The following SKIC3 variants were observed in gnomAD, a reference collection of about 807,000 sequenced individuals.
The protein encoded by SKIC3 is superkiller complex protein 3.
chr5:95,551,325 T>C, the SKIC3 span, among the ~76,000 whole-genome samples: 2 of 151,622 alleles, frequency 1.3e-5, no homozygotes, highest in Admixed American at 1.3e-4. Context: ...AAAAACTGAA[T>C]AAAGTGAAAA....
the SKIC3 span, chr5:95,546,904 G>T: frequency 1.4e-6 from 1 of 700,490 alleles, no homozygotes; most frequent in Non-Finnish European, 2.5e-6. Flanking sequence ...AGTTTATCCT[G>T]CTAACTAGAG....
At chr5:95,527,680 G>T in the SKIC3 span, among the ~76,000 whole-genome samples, 1 of 152,066 alleles carries the variant, frequency 6.6e-6, no homozygotes, top group Admixed American at 6.5e-5. Flanking sequence ...TGTCAAATCT[G>T]CAGAACACTT....
At chr5:95,525,609 C>G in the SKIC3 span, 4 of 1,613,902 alleles carry the variant, frequency 2.5e-6, no homozygotes, top group South Asian at 4.4e-5. Context: ...ATCAAATGAA[C>G]CTTTGTTCCG....
the SKIC3 span, chr5:95,468,004 T>A: frequency 1.9e-6 from 3 of 1,610,598 alleles, no homozygotes; most frequent in Non-Finnish European, 1.7e-6. Flanking sequence ...AAAAAAAAAA[T>A]TTACATTTAG....
chr5:95,473,812 T>G, the SKIC3 span, among the ~76,000 whole-genome samples: 1 of 152,332 alleles, frequency 6.6e-6, no homozygotes, highest in South Asian at 2.1e-4. Context: ...GGATATTAGA[T>G]CTTTGTCAGA....
the SKIC3 span, chr5:95,514,758 T>C: frequency 1.5e-6 from 2 of 1,302,596 alleles, no homozygotes; most frequent in South Asian, 2.5e-5. Flanking sequence ...AAGTAAGCCC[T>C]CAAATGCTAT....
chr5:95,474,863 G>C, the SKIC3 span, among the ~76,000 whole-genome samples: 6 of 152,174 alleles, frequency 3.9e-5, no homozygotes, highest in Admixed American at 3.9e-4. Context: ...CACTTTGTGA[G>C]CTCTGAGATT....
chr5:95,502,991 G>A, the SKIC3 span: 4 of 1,614,002 alleles, frequency 2.5e-6, no homozygotes, highest in Admixed American at 1.7e-5. Context: ...AATAGACAAG[G>A]CTCTCTCATA....
the SKIC3 span, chr5:95,522,020 A>G: frequency 6.2e-7 from 1 of 1,611,838 alleles, no homozygotes; most frequent in Non-Finnish European, 8.5e-7. Flanking sequence ...CTTCAGGATC[A>G]TAAAAGTCAA....
chr5:95,479,086 T>A, the SKIC3 span, among the ~76,000 whole-genome samples: 1 of 152,058 alleles, frequency 6.6e-6, no homozygotes, highest in African/African-American at 2.4e-5. Flanking sequence ...AAAAGGGGCA[T>A]AACTATATAC....
the SKIC3 span, among the ~76,000 whole-genome samples, chr5:95,484,472 G>A: frequency 4.2e-3 from 634 of 150,594 alleles, 1 homozygote; most frequent in Middle Eastern, 0.024. Context: ...TCAGCCTCTC[G>A]AGTAGCAGGA....
chr5:95,508,850 T>C, the SKIC3 span, among the ~76,000 whole-genome samples: 1 of 152,172 alleles, frequency 6.6e-6, no homozygotes, highest in African/African-American at 2.4e-5. Flanking sequence ...AATAAATACA[T>C]AGTAGATATT....
the SKIC3 span, chr5:95,512,538 C>A: frequency 1.2e-6 from 2 of 1,614,004 alleles, no homozygotes; most frequent in Non-Finnish European, 1.7e-6. Flanking sequence ...GGATGTTGTA[C>A]TGGTACAGCT....
At chr5:95,482,589 A>C in the SKIC3 span, 1 of 1,614,046 alleles carries the variant, frequency 6.2e-7, no homozygotes, top group South Asian at 1.1e-5. Context: ...ACTTGTCTCA[A>C]AAGTAAGATA....
chr5:95,484,340 C>CT, the SKIC3 span, among the ~76,000 whole-genome samples: 594 of 119,852 alleles, frequency 5.0e-3, 4 homozygotes, highest in East Asian at 0.023. Context: ...ATGCATTCCT[C>CT]TTTTTTTTTT....
the SKIC3 span, chr5:95,512,911 A>G: frequency 5.7e-6 from 2 of 353,120 alleles, no homozygotes; most frequent in Non-Finnish European, 1.0e-5. Flanking sequence ...GCCAAAGGTC[A>G]GACCAAAAAA....
chr5:95,516,934 C>T, the SKIC3 span: 1 of 1,607,526 alleles, frequency 6.2e-7, no homozygotes, highest in Non-Finnish European at 8.5e-7. Context: ...ATTTCTCCAG[C>T]AACTCCTTAA....
chr5:95,523,145 A>G, the SKIC3 span: 1 of 1,607,832 alleles, frequency 6.2e-7, no homozygotes. Context: ...TAAAATGCTT[A>G]ATTTAAGGAA....
chr5:95,530,038 G>A, the SKIC3 span: 2 of 1,599,876 alleles, frequency 1.3e-6, no homozygotes, highest in South Asian at 1.1e-5. Context: ...AATGCCTACT[G>A]ACTGAATAAT....
Sources: allele counts gnomAD v4.1 joint callset (sites outside exome capture counted in the v4.1 genomes callset), GRCh38; gene constraint gnomAD v4.1.1; transcripts MANE v1.5; gene names NCBI Gene and HGNC (gene_info 2026-07-23, HGNC 2026-07-21).